The following SPOCK1 variants were observed in gnomAD, a reference collection of about 807,000 sequenced individuals.
The protein encoded by SPOCK1 is SPARC (osteonectin), cwcv and kazal like domains proteoglycan 1, also known as testican-1.
In SPOCK1, 23 loss-of-function variants were observed where a neutral mutation model predicts 55.3. The observed-to-expected ratio is 0.42, with a 90% CI of 0.30 to 0.59. SPOCK1 has a LOEUF of 0.59. Ranked by LOEUF, SPOCK1 falls within the 20% of genes least tolerant of loss-of-function variation. SPOCK1 has a pLI of 0.22. For synonymous variants in SPOCK1, 226 were observed against 221.0 expected, an observed-to-expected ratio of 1.02 and a Z score of -0.20; for missense variants, 499 against 552.5, an observed-to-expected ratio of 0.90 and a Z score of 0.97.
At chr5:137,153,771 T>C (rs965374831) in intron 3 of SPOCK1, among the ~76,000 whole-genome samples, 6 of 151,382 alleles carry the variant, frequency 4.0e-5, no homozygotes, top group Non-Finnish European at 7.4e-5. Context: ...GGTGGGAGGA[T>C]CCCTTGAGCC....
At chr5:137,027,173 T>A (rs1751693107) in intron 6 of SPOCK1, among the ~76,000 whole-genome samples, 2 of 152,166 alleles carry the variant, frequency 1.3e-5, no homozygotes, top group African/African-American at 4.8e-5. Context: ...GACTGAGAGT[T>A]CTGGGACCCT....
intron 2 of SPOCK1, among the ~76,000 whole-genome samples, chr5:137,345,604 G>A (rs1750539164): frequency 6.6e-6 from 1 of 152,152 alleles, no homozygotes; most frequent in African/African-American, 2.4e-5. Context: ...TGGTCTAAGT[G>A]GCTCTTTAGC....
chr5:137,383,823 CT>C (rs1252981238), intron 2 of SPOCK1, among the ~76,000 whole-genome samples: 2 of 152,358 alleles, frequency 1.3e-5, no homozygotes, highest in African/African-American at 2.4e-5. Flanking sequence ...TATTCCACCT[CT>C]TTTTCCCCCT....
rs1448023434 is a variant in SPOCK1 at position 136,977,265 on chromosome 5, GT to G, written c.*1388del. On this transcript the variant is annotated 3_prime_UTR_variant, in exon 11 of 11. Coordinates refer to ENST00000394945, the MANE Select transcript of SPOCK1 (RefSeq NM_004598.4). ...CAAATTTGGAACTAGACTCCAATGA[GT>G]TTAGTTAAAACAAACACTATGGTGA... 1.3e-5 allele frequency: 2 copies of G among 151,746 alleles called. No individual in the cohort carries two copies. Among genetic ancestry groups the G allele is most frequent in the African/African-American group, 2.4e-5 (1 of 41,232 alleles). 9.4% of individuals were successfully genotyped at this position (151,746 alleles called of 1,614,324 possible).
chr5:136,985,941 C>G (rs1334081568), intron 8 of SPOCK1, among the ~76,000 whole-genome samples: 2 of 152,154 alleles, frequency 1.3e-5, no homozygotes, highest in Non-Finnish European at 2.9e-5. Flanking sequence ...ATGGTTCATC[C>G]TGTCCTTGGC....
Position 137,044,800 on chromosome 5 carries a change from G to T in SPOCK1, c.589+22915C>A, listed in dbSNP as rs377648337. The stretch of plus-strand genomic sequence containing the variant: ...CAATGCTATCCCTCCCCCCTCCCCC[G>T]ACCCCACCACAGTCCCCAGAGTGTG... On this transcript the variant is annotated intron_variant, in intron 6 of 10. Transcript: ENST00000394945. 7.8e-3 allele frequency among the ~76,000 whole-genome samples: 850 copies of T among 108,322 alleles called. 10 individuals are homozygous for T. The highest frequency in any genetic ancestry group is 0.029 in the African/African-American group (795 of 27,834). The allele number at this position is 108,322 out of a possible 152,430, so 71.1% of individuals were successfully genotyped here. A position where few individuals can be genotyped will look rare whatever the true frequency, so the allele number is the denominator to read the frequency against.
At chr5:137,340,628 C>T (rs756054719) in intron 2 of SPOCK1, among the ~76,000 whole-genome samples, 3 of 152,152 alleles carry the variant, frequency 2.0e-5, no homozygotes, top group Non-Finnish European at 4.4e-5. Context: ...CGCCTGTAAT[C>T]CCAGCACTTT....
At chr5:137,269,619 G>A (rs1756921223) in intron 2 of SPOCK1, among the ~76,000 whole-genome samples, 3 of 152,196 alleles carry the variant, frequency 2.0e-5, no homozygotes, top group South Asian at 4.1e-4. Flanking sequence ...TTCCACACAC[G>A]GTGAGTATAA....
chr5:137,440,422 T>G (rs904323581), intron 2 of SPOCK1, among the ~76,000 whole-genome samples: 1 of 152,198 alleles, frequency 6.6e-6, no homozygotes, highest in Non-Finnish European at 1.5e-5. Context: ...CAGTTAGCTT[T>G]GGAGGGATGT....
intron 6 of SPOCK1, among the ~76,000 whole-genome samples, chr5:137,007,731 C>T (rs982758195): frequency 4.6e-5 from 7 of 152,058 alleles, no homozygotes; most frequent in Non-Finnish European, 7.4e-5. Flanking sequence ...GACAATGTGG[C>T]GATTCCTCAA....
intron 2 of SPOCK1, among the ~76,000 whole-genome samples, chr5:137,326,901 C>T (rs1758087246): frequency 1.3e-5 from 2 of 152,216 alleles, no homozygotes; most frequent in African/African-American, 4.8e-5. Flanking sequence ...AGGATGTCCT[C>T]AAGTGGTGTG....
intron 5 of SPOCK1, among the ~76,000 whole-genome samples, chr5:137,107,381 A>G (rs1172955589): frequency 6.6e-6 from 1 of 152,154 alleles, no homozygotes; most frequent in Non-Finnish European, 1.5e-5. Flanking sequence ...TACTACGGCG[A>G]TCCTTACTGC....
At chr5:137,235,893 A>G (rs1373264012) in intron 3 of SPOCK1, among the ~76,000 whole-genome samples, 4 of 152,192 alleles carry the variant, frequency 2.6e-5, no homozygotes, top group Non-Finnish European at 5.9e-5. Flanking sequence ...CATGAACATG[A>G]AAGTCTGTGT....
chr5:137,065,070 A>T (rs1026966133), intron 6 of SPOCK1, among the ~76,000 whole-genome samples: 4 of 152,166 alleles, frequency 2.6e-5, no homozygotes, highest in African/African-American at 9.6e-5. Context: ...TCTACTAAAA[A>T]TACAAAAATC....
At chr5:137,059,646 T>C (rs1752360096) in intron 6 of SPOCK1, among the ~76,000 whole-genome samples, 3 of 151,988 alleles carry the variant, frequency 2.0e-5, no homozygotes, top group African/African-American at 4.8e-5. Context: ...AGAGAGTAAA[T>C]AGACATCAAC....
chr5:137,390,407 T>C (rs1751693379), intron 2 of SPOCK1, among the ~76,000 whole-genome samples: 1 of 152,262 alleles, frequency 6.6e-6, no homozygotes, highest in Non-Finnish European at 1.5e-5. Context: ...TTAGCTTAAT[T>C]TGACCACATC....
intron 2 of SPOCK1, among the ~76,000 whole-genome samples, chr5:137,268,804 T>C (rs968033275): frequency 6.6e-6 from 1 of 152,230 alleles, no homozygotes; most frequent in Non-Finnish European, 1.5e-5. Context: ...TCACATATAA[T>C]GGCAATGTGA....
At chr5:137,402,811 T>C (rs1349140652) in intron 2 of SPOCK1, among the ~76,000 whole-genome samples, 2 of 152,192 alleles carry the variant, frequency 1.3e-5, no homozygotes, top group South Asian at 2.1e-4. Flanking sequence ...AGGAAATAAT[T>C]ATGGATCCTA....
At chr5:137,086,070 G>A (rs978742127) in intron 5 of SPOCK1, among the ~76,000 whole-genome samples, 2 of 152,158 alleles carry the variant, frequency 1.3e-5, no homozygotes, top group Admixed American at 6.5e-5. Context: ...ATTTAGCGCA[G>A]GGACTCCCCA....
Sources: allele counts gnomAD v4.1 joint callset (sites outside exome capture counted in the v4.1 genomes callset), GRCh38; gene constraint gnomAD v4.1.1; transcripts MANE v1.5; gene names NCBI Gene and HGNC (gene_info 2026-07-23, HGNC 2026-07-21).